Variants in GCNT3 observed in about 807,000 individuals in gnomAD.
The protein encoded by GCNT3 is glucosaminyl (N-acetyl) transferase 3, mucin type, also known as beta-1,3-galactosyl-O-glycosyl-glycoprotein beta-1,6-N-acetylglucosaminyltransferase 3.
For missense variants in GCNT3, 708 were observed against 530.3 expected (o/e 1.34, Z -3.29); for synonymous variants, 269 against 195.2 (o/e 1.38, Z -3.15).
intron 1 of GCNT3, among the ~76,000 whole-genome samples, chr15:59,614,117 G>C (rs1324478486): frequency 6.6e-6 from 1 of 152,186 alleles, no homozygotes; most frequent in African/African-American, 2.4e-5. Flanking sequence ...TGAGACTTGA[G>C]GGGGGCACCA....
At chr15:59,613,876 G>T (rs2082707775) in intron 1 of GCNT3, among the ~76,000 whole-genome samples, 1 of 152,146 alleles carries the variant, frequency 6.6e-6, no homozygotes, top group Admixed American at 6.5e-5. Flanking sequence ...AATTAGCTGG[G>T]CATGGTGGCT....
rs1263793290 is a variant in GCNT3 at position 59,622,428 on chromosome 15, C to G, written c.*2873C>G. ...AGTCCTATTCACTTTGCTCCCAACC[C>G]CACTACGGAGATGACTGATGACTAG... is the stretch of plus-strand genomic sequence containing the variant. On this transcript the variant is annotated 3_prime_UTR_variant, in exon 3 of 3. Transcript: ENST00000396065. 1 of 152,150 alleles carries G rather than the reference C, an allele frequency of 6.6e-6. No homozygotes were observed. The highest frequency in any genetic ancestry group is 1.5e-5 in the Non-Finnish European group (1 of 68,044). The allele number at this position is 152,150 out of a possible 1,614,324, so 9.4% of individuals were successfully genotyped here.
rs1325240868 is a variant in GCNT3, at chr15:59,620,173, C to A, written c.*618C>A. 7 of 166,794 alleles carry A rather than the reference C, an allele frequency of 4.2e-5. No homozygotes were observed. The allele number at this position is 166,794 out of a possible 1,614,324, so 10.3% of individuals were successfully genotyped here. A position where few individuals can be genotyped will look rare whatever the true frequency, so the allele number is the denominator to read the frequency against. ...TGGTCCTGACAAGCTGCATGAATAG[C>A]AATTTTTTTTTTGAGACAGAGTCTT... On this transcript the variant is annotated 3_prime_UTR_variant, in exon 3 of 3. Transcript: ENST00000396065.
intron 1 of GCNT3, among the ~76,000 whole-genome samples, chr15:59,615,419 T>A (rs1167319831): frequency 6.6e-6 from 1 of 152,170 alleles, no homozygotes; most frequent in East Asian, 1.9e-4. Flanking sequence ...TTCAGCTTCT[T>A]CGGTGTCTCT....
intron 1 of GCNT3, chr15:59,615,096 A>C (rs1206993628): frequency 6.6e-6 from 1 of 152,180 alleles, no homozygotes; most frequent in Non-Finnish European, 1.5e-5. Context: ...GAGGTTATTC[A>C]TGCCTCTTGC....
In GCNT3 at chr15:59,613,584, A is replaced by T. The variant is rs531032538; in HGVS notation, c.-251+1603A>T. Reference sequence around the variant, plus strand: ...AATAAATAAATAAATAAATAAAAATAAAAATAAATCAGCTGAGTGTAATCT... The same window carrying T: ...AATAAATAAATAAATAAATAAAAATTAAAATAAATCAGCTGAGTGTAATCT... On this transcript the variant is annotated intron_variant, in intron 1 of 2. Transcript: ENST00000396065. Among the ~76,000 whole-genome samples the T allele has an allele frequency of 4.0e-5, 6 of 151,620 alleles. No homozygotes were observed. The East Asian group carries it at 1.2e-3, about 29-fold the overall frequency.
rs1304683473 is a variant in GCNT3 at position 59,619,384 on chromosome 15, C to G, written c.1146C>G (p.Cys382Trp). 11 of 1,614,100 alleles carry G rather than the reference C, an allele frequency of 6.8e-6. No homozygotes were observed. The highest frequency in any genetic ancestry group is 9.3e-6 in the Non-Finnish European group (11 of 1,180,012). ...DIDKGAPYAP[C>W]SGIHQRAICV... ...ATAAGGGTGCTCCTTATGCTCCCTG[C>G]TCTGGAATCCACCAGCGGGCTATCT... is the stretch of plus-strand genomic sequence containing the variant. Residue 382 changes from cysteine to tryptophan, a missense_variant, in exon 3 of 3, where the codon TGC (cysteine) becomes TGG (tryptophan). Transcript: ENST00000396065.
Position 59,616,799 on chromosome 15 carries a change from A to G in GCNT3, c.-143A>G, listed in dbSNP as rs2082721633. ...GACATGGTTGTTCACATTTGCTGCCACGGAACACCGCCAGTCTTCACTTGG... is the reference window on the plus strand; with the variant it reads ...GACATGGTTGTTCACATTTGCTGCCGCGGAACACCGCCAGTCTTCACTTGG... On this transcript the variant is annotated 5_prime_UTR_variant, in exon 2 of 3. Transcript: ENST00000396065. The G allele has an allele frequency of 6.6e-6, 1 of 152,254 alleles. No individual in the cohort carries two copies. The highest frequency in any genetic ancestry group is 1.5e-5 in the Non-Finnish European group (1 of 68,056). The allele number at this position is 152,254 out of a possible 1,614,324, so 9.4% of individuals were successfully genotyped here.
In GCNT3 at chr15:59,621,907, G is replaced by T. The variant is rs1351436895; in HGVS notation, c.*2352G>T. 1.3e-5 allele frequency: 2 copies of T among 151,660 alleles called. No individual in the cohort carries two copies. Among genetic ancestry groups the T allele is most frequent in the African/African-American group, 4.8e-5 (2 of 41,274 alleles). The allele number at this position is 151,660 out of a possible 1,614,324, so 9.4% of individuals were successfully genotyped here. A position where few individuals can be genotyped will look rare whatever the true frequency, so the allele number is the denominator to read the frequency against. On this transcript the variant is annotated 3_prime_UTR_variant, in exon 3 of 3. Transcript: ENST00000396065. ...AGCTACCGCACCCAGCCCTTTCTGA[G>T]TGTTGTCATTCAATTCATCAAGTTT...
intron 2 of GCNT3, chr15:59,617,957 G>A (rs980570561): frequency 1.5e-5 from 4 of 264,250 alleles, no homozygotes; most frequent in Admixed American, 9.6e-5. Flanking sequence ...CTTTTCTCCT[G>A]GGGTGGAGGT....
Position 59,619,272 on chromosome 15 carries a change from C to G in GCNT3, c.1034C>G (p.Ser345Cys), listed in dbSNP as rs1566908575. ...CAGCGTGCACGGTGGATGCCTGGCT[C>G]TGTTCCCAACCACCCCAAGTACGAC... Reference protein sequence around the residue: ...TLQRARWMPGSVPNHPKYDIS... With the variant: ...TLQRARWMPGCVPNHPKYDIS... The change falls in exon 3 of 3, where the codon TCT becomes TGT. Residue 345 changes from serine (S) to cysteine (C), a missense_variant. Ser to Cys is a moderately radical substitution (Grantham distance 112). Transcript: ENST00000396065. The G allele has an allele frequency of 6.2e-7, 1 of 1,614,146 alleles. No individual in the cohort carries two copies.
Position 59,619,816 on chromosome 15 carries a change from T to G in GCNT3, c.*261T>G, listed in dbSNP as rs2082739368. 5.8e-6 allele frequency: 2 copies of G among 345,108 alleles called. No individual in the cohort carries two copies. Among genetic ancestry groups the G allele is most frequent in the South Asian group, 5.2e-5 (1 of 19,254 alleles). 21.4% of individuals were successfully genotyped at this position (345,108 alleles called of 1,614,324 possible). On this transcript the variant is annotated 3_prime_UTR_variant, in exon 3 of 3. Coordinates refer to ENST00000396065, the MANE Select transcript of GCNT3 (RefSeq NM_004751.3). ...CACTAAGTGAGAATGAGAACTGCTG[T>G]GATAGGGAGAGTGAAGGAGGGATAT...
chr15:59,618,859 C>A lies in GCNT3; in HGVS notation c.621C>A (p.Leu207=). The A allele has an allele frequency of 6.2e-7, 1 of 1,614,138 alleles. No homozygotes were observed. The highest frequency in any genetic ancestry group is 8.5e-7 in the Non-Finnish European group (1 of 1,180,016). The change falls in exon 3 of 3, where the codon CTC becomes CTA. Residue 207 remains leucine (L), a synonymous_variant. Coordinates refer to ENST00000396065, the MANE Select transcript of GCNT3 (RefSeq NM_004751.3). ...YASWSRVQAD[L]NCMEDLLQSS... ...CCTGGTCCAGGGTGCAAGCTGACCT[C>A]AACTGCATGGAAGACTTGCTCCAGA... is the stretch of plus-strand genomic sequence containing the variant.
chr15:59,613,738 C>T (rs1213115794), intron 1 of GCNT3, among the ~76,000 whole-genome samples: 1 of 151,912 alleles, frequency 6.6e-6, no homozygotes, highest in South Asian at 2.1e-4. Flanking sequence ...ATGACAACAA[C>T]AAAAATATTC....
Position 59,617,170 on chromosome 15 carries a change from CTTTCTTTCTTT to C in GCNT3, c.-61+293_-61+303del, listed in dbSNP as rs1195826120. Among the ~76,000 whole-genome samples, 85 of 82,350 alleles carry C rather than the reference CTTTCTTTCTTT, an allele frequency of 1.0e-3. 1 individual carries two copies. Among genetic ancestry groups the C allele is most frequent in the African/African-American group, 3.5e-3 (76 of 21,638 alleles). The allele number at this position is 82,350 out of a possible 152,430, so 54.0% of individuals were successfully genotyped here. On this transcript the variant is annotated intron_variant, in intron 2 of 2. Coordinates refer to ENST00000396065, the MANE Select transcript of GCNT3 (RefSeq NM_004751.3). ...TTTTTCTTTATTTTTCTTTTGTTTT[CTTTCTTTCTTT>C]TTTTTTTTTTAAAGGGGCTTCCTGG...
chr15:59,615,640 T>C (rs981579542), intron 1 of GCNT3, among the ~76,000 whole-genome samples: 4 of 152,008 alleles, frequency 2.6e-5, no homozygotes, highest in Admixed American at 6.6e-5. Flanking sequence ...CCCAGCACTT[T>C]GGGAGGCCGA....
In GCNT3 at chr15:59,619,287, C is replaced by G. The variant is rs779195697; in HGVS notation, c.1049C>G (p.Pro350Arg). The G allele has an allele frequency of 6.2e-7, 1 of 1,614,134 alleles. No homozygotes were observed. The highest frequency in any genetic ancestry group is 8.5e-7 in the Non-Finnish European group (1 of 1,180,014). ...ATGCCTGGCTCTGTTCCCAACCACC[C>G]CAAGTACGACATCTCAGACATGACT... ...RWMPGSVPNH[P>R]KYDISDMTSI... The change falls in exon 3 of 3, where the codon CCC becomes CGC. Residue 350 changes from proline to arginine, a missense_variant. Coordinates refer to ENST00000396065, the MANE Select transcript of GCNT3 (RefSeq NM_004751.3).
intron 1 of GCNT3, among the ~76,000 whole-genome samples, chr15:59,614,640 A>G (rs1377309078): frequency 1.3e-5 from 2 of 152,256 alleles, no homozygotes; most frequent in East Asian, 1.9e-4. Flanking sequence ...ACAGGAGGTC[A>G]CTCTCGTCAC....
intron 1 of GCNT3, among the ~76,000 whole-genome samples, chr15:59,614,469 A>G (rs1473505714): frequency 2.0e-5 from 3 of 151,530 alleles, no homozygotes; most frequent in African/African-American, 7.3e-5. Flanking sequence ...CCCTGAGGGG[A>G]CTACTGGTTG....
Sources: allele counts gnomAD v4.1 joint callset (sites outside exome capture counted in the v4.1 genomes callset), GRCh38; gene constraint gnomAD v4.1.1; transcripts MANE v1.5; gene names NCBI Gene and HGNC (gene_info 2026-07-23, HGNC 2026-07-21).